The following SEMA5A variants were observed in gnomAD, a reference collection of about 807,000 sequenced individuals.
SEMA5A encodes the protein semaphorin-5A.
A neutral mutation model predicts 135.5 loss-of-function variants in SEMA5A; 55 were observed. The ratio of observed to expected loss-of-function variants is 0.41; its 90% CI spans 0.33 to 0.51. The LOEUF (loss-of-function observed/expected upper bound fraction) is 0.51. SEMA5A is among the 20% of genes least tolerant of loss of function. The pLI is 0.37. For synonymous variants in SEMA5A, 580 were observed against 546.5 expected (o/e 1.06, Z -0.85); for missense variants, 1,290 against 1,419.9 (o/e 0.91, Z 1.47).
At chr5:9,366,723 T>A (rs1273486274) in intron 3 of SEMA5A, among the ~76,000 whole-genome samples, 1 of 152,190 alleles carries the variant, frequency 6.6e-6, no homozygotes, top group Non-Finnish European at 1.5e-5. Flanking sequence ...TGTTTGAGGA[T>A]GAAGAAAGGA....
intron 16 of SEMA5A, among the ~76,000 whole-genome samples, chr5:9,066,865 C>T (rs1350201190): frequency 6.6e-6 from 1 of 152,166 alleles, no homozygotes; most frequent in African/African-American, 2.4e-5. Flanking sequence ...CACAGTCTCT[C>T]CTGTGTAAAC....
At chr5:9,360,003 T>C (rs1754621177) in intron 3 of SEMA5A, among the ~76,000 whole-genome samples, 1 of 152,210 alleles carries the variant, frequency 6.6e-6, no homozygotes, top group African/African-American at 2.4e-5. Context: ...TAATGAGAAA[T>C]ATAGACATGG....
At chr5:9,198,157 C>A (rs566416178) in intron 9 of SEMA5A, among the ~76,000 whole-genome samples, 7 of 152,262 alleles carry the variant, frequency 4.6e-5, no homozygotes, top group South Asian at 2.1e-4. Flanking sequence ...GAGACAATAC[C>A]ACAAGCATTT....
intron 11 of SEMA5A, among the ~76,000 whole-genome samples, chr5:9,180,993 T>C (rs555316503): frequency 6.6e-6 from 1 of 152,272 alleles, no homozygotes; most frequent in African/African-American, 2.4e-5. Flanking sequence ...TACTCCTCTG[T>C]ACTTAAAATG....
chr5:9,199,509 C>A (rs1745593232), intron 9 of SEMA5A, among the ~76,000 whole-genome samples: 1 of 152,194 alleles, frequency 6.6e-6, no homozygotes, highest in Non-Finnish European at 1.5e-5. Flanking sequence ...CAGGCGAGGG[C>A]AGCCCAGGTC....
chr5:9,315,808 T>C (rs1335710989), intron 5 of SEMA5A, among the ~76,000 whole-genome samples: 5 of 152,158 alleles, frequency 3.3e-5, no homozygotes, highest in East Asian at 1.9e-4. Context: ...CTTTGACTAT[T>C]TGGTCATGGG....
intron 1 of SEMA5A, among the ~76,000 whole-genome samples, chr5:9,497,069 G>A (rs1222057336): frequency 6.6e-6 from 1 of 152,146 alleles, no homozygotes; most frequent in African/African-American, 2.4e-5. Context: ...TTATTAAAGA[G>A]AGTATCACAT....
intron 5 of SEMA5A, among the ~76,000 whole-genome samples, chr5:9,263,766 C>A (rs572032275): frequency 6.6e-6 from 1 of 152,342 alleles, no homozygotes; most frequent in East Asian, 1.9e-4. Flanking sequence ...TCATCGATCA[C>A]ATTTAGAGTT....
chr5:9,284,407 AT>A lies in SEMA5A; in HGVS notation c.270+33964del, dbSNP rs1750693021. ...TTTCATAATGTAAACTCAAACTCAG[AT>A]TTGCTTGCCTGAAAAGTATCAATGT... On this transcript the variant is annotated intron_variant, in intron 5 of 22. Coordinates refer to ENST00000382496, the MANE Select transcript of SEMA5A (RefSeq NM_003966.3). 4.6e-5 allele frequency among the ~76,000 whole-genome samples: 7 copies of A among 152,340 alleles called. No homozygotes were observed. The South Asian group carries it at 1.5e-3, about 32-fold the overall frequency.
At chr5:9,484,985 C>T (rs967460143) in intron 1 of SEMA5A, among the ~76,000 whole-genome samples, 12 of 151,916 alleles carry the variant, frequency 7.9e-5, no homozygotes, top group Admixed American at 5.9e-4. Context: ...AGAGAAACAT[C>T]GAGTATTTTT....
chr5:9,103,997 T>C (rs1739770382), intron 16 of SEMA5A, among the ~76,000 whole-genome samples: 1 of 152,316 alleles, frequency 6.6e-6, no homozygotes, highest in Admixed American at 6.5e-5. Context: ...AAAAAGCTCC[T>C]CCTTCTTTTA....
At chr5:9,194,858 G>A (rs181864887) in intron 10 of SEMA5A, among the ~76,000 whole-genome samples, 80 of 152,204 alleles carry the variant, frequency 5.3e-4, no homozygotes, top group African/African-American at 1.8e-3. Flanking sequence ...AAAACCAGTC[G>A]CTCCTGGCCT....
chr5:9,097,890 G>A (rs1566894), intron 16 of SEMA5A, among the ~76,000 whole-genome samples: 4 of 152,152 alleles, frequency 2.6e-5, no homozygotes, highest in African/African-American at 9.7e-5. Context: ...GTACTTGGCT[G>A]TTGGTAAGAG....
At chr5:9,221,470 T>A (rs1746976276) in intron 8 of SEMA5A, among the ~76,000 whole-genome samples, 1 of 147,444 alleles carries the variant, frequency 6.8e-6, no homozygotes, top group Non-Finnish European at 1.5e-5. Context: ...GCCCGGCTAA[T>A]TTTTTCTATT....
intron 1 of SEMA5A, among the ~76,000 whole-genome samples, chr5:9,502,461 C>G (rs570095752): frequency 6.6e-6 from 1 of 152,302 alleles, no homozygotes; most frequent in East Asian, 1.9e-4. Context: ...ACATTCATGA[C>G]AAGACTGACA....
At chr5:9,379,623 C>A (rs1441516929) in intron 3 of SEMA5A, among the ~76,000 whole-genome samples, 200 bp downstream of exon 3, 1 of 152,012 alleles carries the variant, frequency 6.6e-6, no homozygotes, top group Non-Finnish European at 1.5e-5. Context: ...GTCTTAGATC[C>A]CTCTTGAGGT....
Position 9,149,002 on chromosome 5 carries a change from G to T in SEMA5A, c.1481+5486C>A, listed in dbSNP as rs146243654. 5.6e-4 allele frequency among the ~76,000 whole-genome samples: 86 copies of T among 152,250 alleles called. No individual in the cohort carries two copies. In the East Asian group the frequency reaches 0.015, roughly 26 times the overall value. On this transcript the variant is annotated intron_variant, in intron 12 of 22. Transcript: ENST00000382496. ...CCCAAAGTGCTGCAATTACAAGTGT[G>T]AGCCACCATGCCCGGCTGCCCCTTT...
chr5:9,478,020 C>T (rs988663870), intron 1 of SEMA5A, among the ~76,000 whole-genome samples: 14 of 152,146 alleles, frequency 9.2e-5, no homozygotes, highest in East Asian at 1.9e-4. Flanking sequence ...GGACATGATG[C>T]GCTGTATCCC....
chr5:9,181,985 A>G (rs1345782540), intron 11 of SEMA5A, among the ~76,000 whole-genome samples: 2 of 151,456 alleles, frequency 1.3e-5, no homozygotes, highest in African/African-American at 2.4e-5. Flanking sequence ...CTGCACCCCA[A>G]TTTTCCATGA....
Sources: gnomAD v4.1 joint callset for allele counts (sites outside exome capture counted in the v4.1 genomes callset) on GRCh38, gnomAD v4.1.1 for gene constraint, MANE v1.5 for transcripts, NCBI Gene and HGNC (gene_info 2026-07-23, HGNC 2026-07-21) for gene names.